PLSCR2: variants seen among roughly 807,000 people sequenced by gnomAD.
PLSCR2 encodes the protein PL scramblase 2.
Under a neutral mutation model 25.3 loss-of-function variants are expected in PLSCR2, and 18 were observed. The observed-to-expected ratio is 0.71, with a 90% CI of 0.49 to 1.06. PLSCR2 has a LOEUF of 1.06. Among genes scored for constraint, PLSCR2 ranks in the 50% least tolerant of loss-of-function variants. The pLI, the probability that PLSCR2 is intolerant of heterozygous loss-of-function variation, is 0.00. For synonymous variants in PLSCR2, 88 were observed against 87.3 expected (o/e 1.01, Z -0.04); for missense variants, 243 against 269.5 (o/e 0.90, Z 0.69).
chr3:146,404,612 A>G (rs920494719), intron 2 of PLSCR2, among the ~76,000 whole-genome samples: 1 of 152,176 alleles, frequency 6.6e-6, no homozygotes, highest in African/African-American at 2.4e-5. Flanking sequence ...TCCACCCAAT[A>G]GTCTCAAAGC....
intron 1 of PLSCR2, among the ~76,000 whole-genome samples, chr3:146,471,461 A>C (rs1254725738): frequency 6.6e-6 from 1 of 152,006 alleles, no homozygotes; most frequent in Non-Finnish European, 1.5e-5. Flanking sequence ...TTTGTCTGAA[A>C]TATAATGCTC....
Position 146,450,754 on chromosome 3 carries a change from A to G in PLSCR2, c.484-1387T>C, listed in dbSNP as rs552500200. Among the ~76,000 whole-genome samples the G allele has an allele frequency of 1.1e-4, 17 of 152,344 alleles. No homozygotes were observed. The East Asian group carries it at 2.9e-3, about 26-fold the overall frequency. ...ATTCAAATTTTGAAATATTTACAAA[A>G]TAAAAAATGCTGAAGGTAACTTACT... On this transcript the variant is annotated intron_variant, in intron 5 of 6. Transcript: ENST00000610787.
At chr3:146,432,153 T>G (rs932894823), downstream of PLSCR2, among the ~76,000 whole-genome samples, 2 of 152,214 alleles carry the variant, frequency 1.3e-5, no homozygotes, top group African/African-American at 2.4e-5. Flanking sequence ...TATTTACTTA[T>G]AAGAATATCT....
At chr3:146,450,152 A>G (rs1315112575) in intron 5 of PLSCR2, among the ~76,000 whole-genome samples, 2 of 152,226 alleles carry the variant, frequency 1.3e-5, no homozygotes, top group Admixed American at 6.5e-5. Flanking sequence ...GTGGCGGAAT[A>G]TAACTAACAT....
intron 2 of PLSCR2, among the ~76,000 whole-genome samples, chr3:146,404,416 G>A (rs1208518572): frequency 6.6e-6 from 1 of 152,076 alleles, no homozygotes; most frequent in Admixed American, 6.5e-5. Flanking sequence ...TGCCATAATG[G>A]CAACAATCTA....
At chr3:146,399,592 C>A (rs1029025214) in intron 2 of PLSCR2, among the ~76,000 whole-genome samples, 4 of 151,664 alleles carry the variant, frequency 2.6e-5, no homozygotes, top group Admixed American at 2.6e-4. Flanking sequence ...AGGAAGCAAG[C>A]ATTTGAGAGA....
At chr3:146,480,574 T>C (rs1193140630) in intron 1 of PLSCR2, among the ~76,000 whole-genome samples, 1 of 152,012 alleles carries the variant, frequency 6.6e-6, no homozygotes, top group African/African-American at 2.4e-5. Context: ...AATAACAGGC[T>C]CTGAAATTGA....
Position 146,434,592 on chromosome 3 carries a change from T to C in PLSCR2, c.*35-1075A>G, listed in dbSNP as rs925571303. 2.6e-5 allele frequency among the ~76,000 whole-genome samples: 4 copies of C among 151,960 alleles called. No individual in the cohort carries two copies. In the East Asian group the frequency reaches 5.8e-4, roughly 22 times the overall value. ...GCCCTGAAAATTTATAGATCCTTAA[T>C]ATATACAAAAATAAAATTAGAAGAG... On this transcript the variant is annotated intron_variant, in intron 8 of 8. Transcript: ENST00000336685.
chr3:146,436,313 G>A (rs1298075812), intron 8 of PLSCR2, among the ~76,000 whole-genome samples: 1 of 152,048 alleles, frequency 6.6e-6, no homozygotes, highest in Non-Finnish European at 1.5e-5. Context: ...TGTGAAGAAA[G>A]TTCATTGGTA....
At chr3:146,401,940 T>C (rs1177610482) in intron 2 of PLSCR2, among the ~76,000 whole-genome samples, 1 of 151,870 alleles carries the variant, frequency 6.6e-6, no homozygotes, top group Non-Finnish European at 1.5e-5. Context: ...AAATTGTACT[T>C]ACACTAAATT....
At chr3:146,483,425 CTTAATATATAT>C (rs2043201041) in intron 1 of PLSCR2, among the ~76,000 whole-genome samples, 2 of 100,694 alleles carry the variant, frequency 2.0e-5, no homozygotes, top group African/African-American at 8.3e-5. Flanking sequence ...AGAACTTAAA[CTTAATATATAT>C]ATATATACAC....
rs2040759868 is a variant in PLSCR2 at position 146,449,387 on chromosome 3, AAAACTT to A, written c.484-26_484-21del. 1 of 1,540,616 alleles carries A rather than the reference AAAACTT, an allele frequency of 6.5e-7. No individual in the cohort carries two copies. Among genetic ancestry groups the A allele is most frequent in the Non-Finnish European group, 8.8e-7 (1 of 1,142,546 alleles). ...TGTAATCTAAATTGCAAAAAAAAAA[AAAACTT>A]AAAAATTTCTAGAAAACTTATAGCA... is the stretch of plus-strand genomic sequence containing the variant. On this transcript the variant is annotated intron_variant, in intron 5 of 6. Transcript: ENST00000610787.
chr3:146,486,660 C>T (rs2043354976), intron 1 of PLSCR2, among the ~76,000 whole-genome samples: 1 of 151,626 alleles, frequency 6.6e-6, no homozygotes, highest in Non-Finnish European at 1.5e-5. Context: ...ACAATTTCTA[C>T]TATAGGGGCA....
At chr3:146,486,937 TC>T (rs1278169421) in intron 1 of PLSCR2, among the ~76,000 whole-genome samples, 1 of 152,118 alleles carries the variant, frequency 6.6e-6, no homozygotes, top group Admixed American at 6.6e-5. Context: ...GCAAACTGAA[TC>T]CAGCAGCCCA....
chr3:146,466,238 T>C (rs943383320), intron 1 of PLSCR2, among the ~76,000 whole-genome samples: 4 of 104,764 alleles, frequency 3.8e-5, no homozygotes, highest in Non-Finnish European at 6.2e-5. Context: ...AGTGGCACGA[T>C]CTCAGCTCTG....
chr3:146,408,269 G>A (rs2038726433), intron 2 of PLSCR2, among the ~76,000 whole-genome samples: 1 of 152,050 alleles, frequency 6.6e-6, no homozygotes, highest in African/African-American at 2.4e-5. Flanking sequence ...CTGGAGTCTC[G>A]AGCCTTTTTA....
intron 3 of PLSCR2, among the ~76,000 whole-genome samples, chr3:146,395,476 T>C (rs896175920): frequency 6.6e-6 from 1 of 152,196 alleles, no homozygotes. Context: ...GAGATAACTA[T>C]AAGTCACACT....
intron 5 of PLSCR2, among the ~76,000 whole-genome samples, chr3:146,452,063 G>A (rs888167808): frequency 2.6e-5 from 4 of 152,194 alleles, no homozygotes; most frequent in Non-Finnish European, 5.9e-5. Flanking sequence ...TTGGTTAGAC[G>A]TACAGGAGGT....
intron 6 of PLSCR2, among the ~76,000 whole-genome samples, chr3:146,444,222 G>A (rs542944334): frequency 1.3e-5 from 2 of 152,070 alleles, no homozygotes; most frequent in African/African-American, 4.8e-5. Context: ...CTAATGAGAT[G>A]AATGTGTATT....
Sources: allele counts gnomAD v4.1 joint callset (sites outside exome capture counted in the v4.1 genomes callset), GRCh38; gene constraint gnomAD v4.1.1; transcripts MANE v1.5; gene names NCBI Gene and HGNC (gene_info 2026-07-23, HGNC 2026-07-21).